FHIT: variants seen among roughly 807,000 people sequenced by gnomAD.
FHIT encodes fragile histidine triad diadenosine triphosphatase, also known as bis(5'-adenosyl)-triphosphatase.
FHIT carries 19 observed loss-of-function variants against 17.9 expected under a neutral mutation model. That is an observed-to-expected ratio of 1.06 (90% CI 0.74 to 1.56). The LOEUF is 1.56. FHIT is among the 40% of genes most tolerant of loss of function. The pLI is 0.00. For synonymous variants in FHIT, 81 were observed against 69.7 expected (o/e 1.16, Z -0.81); for missense variants, 248 against 189.2 (o/e 1.31, Z -1.82).
At chr3:60,130,983 A>ATATGTG (rs1699546771) in intron 5 of FHIT, among the ~76,000 whole-genome samples, 1 of 102,472 alleles carries the variant, frequency 9.8e-6, no homozygotes, top group Non-Finnish European at 2.3e-5. Flanking sequence ...ATATATATAC[A>ATATGTG]CATATATACA....
intron 1 of FHIT, among the ~76,000 whole-genome samples, chr3:61,210,940 C>T (rs962426238): frequency 1.3e-5 from 2 of 152,030 alleles, no homozygotes; most frequent in East Asian, 3.9e-4. Flanking sequence ...ATTCGGTCAT[C>T]TTGGCTCCAT....
chr3:60,407,612 T>A (rs1701914295), intron 5 of FHIT, among the ~76,000 whole-genome samples: 1 of 152,136 alleles, frequency 6.6e-6, no homozygotes, highest in Admixed American at 6.5e-5. Flanking sequence ...CCTCCACAGT[T>A]CAAGCGATCC....
intron 1 of FHIT, among the ~76,000 whole-genome samples, chr3:61,204,746 A>G (rs6772523): frequency 0.077 from 11,789 of 152,260 alleles, 488 homozygotes; most frequent in Admixed American, 0.1. Flanking sequence ...ACCAAAAAAA[A>G]GCTGACGGAA....
chr3:60,241,610 G>C (rs149620318), intron 5 of FHIT, among the ~76,000 whole-genome samples: 3 of 152,200 alleles, frequency 2.0e-5, no homozygotes, highest in Non-Finnish European at 2.9e-5. Flanking sequence ...TAGAGGCAAA[G>C]AGAGATAAAC....
chr3:60,224,678 TCTC>T (rs1704109566), intron 5 of FHIT, among the ~76,000 whole-genome samples: 1 of 151,998 alleles, frequency 6.6e-6, no homozygotes, highest in African/African-American at 2.4e-5. Flanking sequence ...TGTGCCTTAT[TCTC>T]CTTTTTATCT....
At chr3:60,222,635 A>G (rs1463185878) in intron 5 of FHIT, among the ~76,000 whole-genome samples, 1 of 152,172 alleles carries the variant, frequency 6.6e-6, no homozygotes, top group Admixed American at 6.5e-5. Flanking sequence ...CTAAAAATAC[A>G]AAAATTAGCT....
At chr3:60,441,708 ATAT>A (rs2030820910) in intron 5 of FHIT, among the ~76,000 whole-genome samples, 1 of 85,574 alleles carries the variant, frequency 1.2e-5, no homozygotes, top group African/African-American at 3.6e-5. Context: ...GTATTTATAT[ATAT>A]ATATATATAT....
At chr3:60,926,009 C>A (rs570319340) in intron 3 of FHIT, among the ~76,000 whole-genome samples, 1 of 152,094 alleles carries the variant, frequency 6.6e-6, no homozygotes, top group Non-Finnish European at 1.5e-5. Flanking sequence ...AAGCTAACTA[C>A]CCTAAATATA....
intron 5 of FHIT, among the ~76,000 whole-genome samples, chr3:60,033,052 T>A (rs1361028699): frequency 6.6e-6 from 1 of 152,138 alleles, no homozygotes; most frequent in Non-Finnish European, 1.5e-5. Context: ...CATAACAATA[T>A]TGGATTAAAA....
intron 4 of FHIT, among the ~76,000 whole-genome samples, chr3:60,719,594 GCAGCGT>G (rs2041764460): frequency 6.6e-6 from 1 of 152,132 alleles, no homozygotes; most frequent in Non-Finnish European, 1.5e-5. Context: ...CCATGAACTG[GCAGCGT>G]CAGCAGCATT....
chr3:60,062,375 G>T (rs567118006), intron 5 of FHIT, among the ~76,000 whole-genome samples: 10 of 152,116 alleles, frequency 6.6e-5, no homozygotes, highest in Non-Finnish European at 4.4e-5. Context: ...AGTAACTGTC[G>T]TAACACTCTT....
At chr3:60,655,325 A>C (rs2040088940) in intron 4 of FHIT, among the ~76,000 whole-genome samples, 1 of 152,178 alleles carries the variant, frequency 6.6e-6, no homozygotes. Flanking sequence ...TTCATAAAAA[A>C]CAATTCCAAA....
At chr3:60,818,863 C>T (rs114387755) in intron 4 of FHIT, among the ~76,000 whole-genome samples, 219 of 152,034 alleles carry the variant, frequency 1.4e-3, no homozygotes, top group African/African-American at 5.0e-3. Context: ...GATGGCCACC[C>T]GAAATGACAT....
At chr3:60,983,295 AT>A (rs1710572684) in intron 3 of FHIT, among the ~76,000 whole-genome samples, 2 of 152,218 alleles carry the variant, frequency 1.3e-5, no homozygotes, top group African/African-American at 4.8e-5. Context: ...GAAGAAGGAA[AT>A]GAGGAAGGGA....
At chr3:61,006,551 T>C (rs1383529648) in intron 3 of FHIT, among the ~76,000 whole-genome samples, 1 of 151,406 alleles carries the variant, frequency 6.6e-6, no homozygotes, top group East Asian at 1.9e-4. Context: ...AAAAAAAGTA[T>C]GAAAAATCAA....
intron 2 of FHIT, among the ~76,000 whole-genome samples, chr3:61,166,182 G>C (rs2037832201): frequency 6.6e-6 from 1 of 152,178 alleles, no homozygotes; most frequent in Admixed American, 6.5e-5. Flanking sequence ...GAATTTAAGA[G>C]GTTACACAAG....
intron 5 of FHIT, among the ~76,000 whole-genome samples, chr3:60,241,183 C>A (rs1705111349): frequency 6.6e-6 from 1 of 152,046 alleles, no homozygotes; most frequent in Non-Finnish European, 1.5e-5. Flanking sequence ...TAAAAGACTG[C>A]CCTGAAACTT....
intron 4 of FHIT, among the ~76,000 whole-genome samples, chr3:60,569,748 TATATA>T (rs1402019442): frequency 9.6e-5 from 7 of 72,746 alleles, no homozygotes; most frequent in Admixed American, 3.7e-4. Context: ...TATATATATA[TATATA>T]TATTTTTTTT....
At chr3:59,947,223 T>C (rs913463772) in intron 7 of FHIT, among the ~76,000 whole-genome samples, 1 of 152,204 alleles carries the variant, frequency 6.6e-6, no homozygotes, top group Non-Finnish European at 1.5e-5. Flanking sequence ...TTCCGTTTCT[T>C]CCCGGTTCAA....
Sources: gnomAD v4.1 joint callset for allele counts (sites outside exome capture counted in the v4.1 genomes callset) on GRCh38, gnomAD v4.1.1 for gene constraint, MANE v1.5 for transcripts, NCBI Gene and HGNC (gene_info 2026-07-23, HGNC 2026-07-21) for gene names.